Variants in PCDHGA6 observed in about 807,000 individuals in gnomAD.
PCDHGA6 encodes the protein protocadherin gamma subfamily A, 6, also known as protocadherin gamma-A6.
A neutral mutation model predicts 60.6 loss-of-function variants in PCDHGA6; 41 were observed. That is an observed-to-expected ratio of 0.68 (90% CI 0.53 to 0.88). The LOEUF (loss-of-function observed/expected upper bound fraction) is 0.88, where lower values mean the gene tolerates loss of function less well. PCDHGA6 is among the 40% of genes least tolerant of loss of function. The pLI, the probability that PCDHGA6 is intolerant of heterozygous loss-of-function variation, is 0.00. For missense variants in PCDHGA6, 1,312 were observed against 1,203.0 expected, an observed-to-expected ratio of 1.09 and a Z score of -1.34; for synonymous variants, 594 against 524.4, an observed-to-expected ratio of 1.13 and a Z score of -1.81.
Position 141,432,098 on chromosome 5 carries a change from G to C in PCDHGA6, c.2424+55591G>C, listed in dbSNP as rs771050429. The C allele has an allele frequency of 1.9e-6, 3 of 1,613,938 alleles. No homozygotes were observed. The highest frequency in any genetic ancestry group is 1.7e-5 in the Admixed American group (1 of 59,992). On this transcript the variant is annotated intron_variant, in intron 1 of 3. Transcript: ENST00000517434. The surrounding 1 kb of genome is among the most constrained non-coding windows in gnomAD (Gnocchi z 6.0). ...CTCGCTGAACGTGGCAGACACCAAC[G>C]ACAACCCGCCGGTCTTCCCTCAGGC...
chr5:141,386,400 A>G (rs1180278109), intron 1 of PCDHGA6, among the ~76,000 whole-genome samples: 1 of 152,176 alleles, frequency 6.6e-6, no homozygotes, highest in Non-Finnish European at 1.5e-5. Flanking sequence ...ACTTTTAGCC[A>G]GGTATGGTGT....
rs1561567898 is a variant in PCDHGA6, at chr5:141,375,451, C to G, written c.1368C>G (p.Ser456=). The part of the protein sequence containing the change: ...NDNPPTFPHS[S]YSVYVLENNP... The stretch of plus-strand genomic sequence containing the variant: ...ACCCGCCCACCTTCCCCCATTCATC[C>G]TACTCAGTCTATGTCCTTGAAAACA... The change falls in exon 1 of 4, where the codon TCC becomes TCG. Residue 456 remains serine, a synonymous_variant. Coordinates refer to ENST00000517434, the MANE Select transcript of PCDHGA6 (RefSeq NM_018919.3). 9 of 1,614,016 alleles carry G rather than the reference C, an allele frequency of 5.6e-6. No individual in the cohort carries two copies. Among genetic ancestry groups the G allele is most frequent in the Non-Finnish European group, 7.6e-6 (9 of 1,180,026 alleles).
rs2093981639 is a variant in PCDHGA6 at position 141,400,215 on chromosome 5, A to G, written c.2424+23708A>G. On this transcript the variant is annotated intron_variant, in intron 1 of 3. Transcript: ENST00000517434. ...TAGTGGTGGCCTTGGCCTTGATCTC[A>G]GTGCTCTTCCTCCTGGCCGTGATTC... 3 of 1,613,736 alleles carry G rather than the reference A, an allele frequency of 1.9e-6. No individual in the cohort carries two copies. The East Asian group carries it at 6.7e-5, about 36-fold the overall frequency.
chr5:141,405,089 G>T, intron 1 of PCDHGA6: 2 of 1,613,878 alleles, frequency 1.2e-6, no homozygotes, highest in South Asian at 2.2e-5. Context: ...CACGCTGCTG[G>T]CCCTCAGGCT....
chr5:141,382,910 A>G, intron 1 of PCDHGA6: 1 of 1,546,576 alleles, frequency 6.5e-7, no homozygotes. Flanking sequence ...ATGGCGGCTC[A>G]GCCGAGGGGC....
In PCDHGA6 at chr5:141,381,826, C is replaced by CTTCTTTTT. The variant is rs1777532522; in HGVS notation, c.2424+5321_2424+5322insCTTTTTTT. 1.5e-3 allele frequency among the ~76,000 whole-genome samples: 109 copies of CTTCTTTTT among 74,300 alleles called. 1 individual carries two copies. Among genetic ancestry groups the CTTCTTTTT allele is most frequent in the African/African-American group, 6.4e-3 (104 of 16,204 alleles). 48.7% of individuals were successfully genotyped at this position (74,300 alleles called of 152,430 possible). On this transcript the variant is annotated intron_variant, in intron 1 of 3. Transcript: ENST00000517434. ...TTTCTTTCTTTCTTTCTTTCTTCTT[C>CTTCTTTTT]TTTTTTTTTTTTTTTTTTTTTTGGC...
Position 141,390,867 on chromosome 5 carries a change from C to T in PCDHGA6, c.2424+14360C>T, listed in dbSNP as rs370388746. On this transcript the variant is annotated intron_variant, in intron 1 of 3. Transcript: ENST00000517434. Reference sequence around the variant, plus strand: ...TTATATGCAGTGTACGCTGTGTGTGCGTGTGTGTGTGTGTGTGTGTGAGAG... The same window carrying T: ...TTATATGCAGTGTACGCTGTGTGTGTGTGTGTGTGTGTGTGTGTGTGAGAG... The T allele has an allele frequency of 2.6e-4, 39 of 151,156 alleles. No homozygotes were observed. In the South Asian group the frequency reaches 4.4e-3, roughly 17 times the overall value. 9.4% of individuals were successfully genotyped at this position (151,156 alleles called of 1,614,324 possible).
At chr5:141,385,427 T>C (rs1052771598) in intron 1 of PCDHGA6, 27 of 1,460,068 alleles carry the variant, frequency 1.8e-5, no homozygotes, top group Non-Finnish European at 2.3e-5. Context: ...TAAAAAACTT[T>C]ATAGAGGTAA....
chr5:141,403,213 G>A (rs1314899957), intron 1 of PCDHGA6: 1 of 1,613,970 alleles, frequency 6.2e-7, no homozygotes, highest in Non-Finnish European at 8.5e-7. Flanking sequence ...TGGTCACCGC[G>A]GGTAGGATAG....
Position 141,431,999 on chromosome 5 carries a change from C to G in PCDHGA6, c.2424+55492C>G. The G allele has an allele frequency of 6.2e-7, 1 of 1,614,158 alleles. No homozygotes were observed. The highest frequency in any genetic ancestry group is 1.1e-5 in the South Asian group (1 of 91,086). On this transcript the variant is annotated intron_variant, in intron 1 of 3. Transcript: ENST00000517434. This position sits in a 1 kb window ranked among gnomAD's most constrained non-coding sequence, Gnocchi z 4.8. ...CACAGACATAGTCTTGGATAGGGAA[C>G]AGGTTCCTAGCTACAACATCACAGT... is the stretch of plus-strand genomic sequence containing the variant.
rs2099883798 is a variant in PCDHGA6, at chr5:141,511,451, AT to A, written c.*281del. On this transcript the variant is annotated 3_prime_UTR_variant, in exon 4 of 4. Transcript: ENST00000517434. ...GGGGTTACTGTAGACACCAAGAACC[AT>A]TTGCCACACCCCGTTTAGTTACAGC... The A allele has an allele frequency of 3.3e-6, 2 of 606,372 alleles. No individual in the cohort carries two copies. Among genetic ancestry groups the A allele is most frequent in the African/African-American group, 1.9e-5 (1 of 53,734 alleles). 37.6% of individuals were successfully genotyped at this position (606,372 alleles called of 1,614,324 possible).
intron 2 of PCDHGA6, among the ~76,000 whole-genome samples, chr5:141,503,077 T>C (rs902429288): frequency 6.6e-6 from 1 of 151,810 alleles, no homozygotes; most frequent in African/African-American, 2.4e-5. Flanking sequence ...ATGGTCTCGA[T>C]CTCCTGACCT....
chr5:141,408,889 A>G, intron 1 of PCDHGA6: 1 of 1,613,232 alleles, frequency 6.2e-7, no homozygotes, highest in Non-Finnish European at 8.5e-7. Flanking sequence ...CTCACATAGA[A>G]ATTTCTGTCA....
rs772000812 is a variant in PCDHGA6, at chr5:141,478,304, C to T, written c.2425-16503C>T. The T allele has an allele frequency of 8.1e-6, 13 of 1,614,108 alleles. No individual in the cohort carries two copies. In the Middle Eastern group the frequency reaches 1.2e-3, roughly 143 times the overall value. On this transcript the variant is annotated intron_variant, in intron 1 of 3. Coordinates refer to ENST00000517434, the MANE Select transcript of PCDHGA6 (RefSeq NM_018919.3). The stretch of plus-strand genomic sequence containing the variant: ...GCAGTCTAGAGACCTATACCGAGCC[C>T]CGGTGAGCTCACTGTACCGAACACC...
At chr5:141,412,385 AT>A (rs1277702119) in intron 1 of PCDHGA6, 2 of 152,236 alleles carry the variant, frequency 1.3e-5, no homozygotes, top group Admixed American at 1.3e-4. Flanking sequence ...AAATAGGTCC[AT>A]TTAACTTGTA....
chr5:141,473,274 TA>T (rs2099318463), intron 1 of PCDHGA6, among the ~76,000 whole-genome samples: 1 of 152,210 alleles, frequency 6.6e-6, no homozygotes, highest in South Asian at 2.1e-4. Context: ...ATGCTATGAT[TA>T]TTTTACTATG....
At position 141,508,909 on chromosome 5, in the gene PCDHGA6, G is replaced by A. The variant is rs545345992; in HGVS notation, c.2573-2038G>A. ...GAGGGGAGGGGGCGGGGCGGTGGCG[G>A]ATCTGGCTTCCTTTTGGAGTTAATT... is the stretch of plus-strand genomic sequence containing the variant. On this transcript the variant is annotated intron_variant, in intron 3 of 3. Coordinates refer to ENST00000517434, the MANE Select transcript of PCDHGA6 (RefSeq NM_018919.3). 2.0e-5 allele frequency among the ~76,000 whole-genome samples: 3 copies of A among 152,202 alleles called. No homozygotes were observed. The South Asian group carries it at 6.2e-4, about 32-fold the overall frequency.
rs749995138 is a variant in PCDHGA6 at position 141,408,745 on chromosome 5, G to A, written c.2424+32238G>A. The A allele has an allele frequency of 3.7e-6, 6 of 1,609,862 alleles. No homozygotes were observed. In the African/African-American group the frequency reaches 4.0e-5, roughly 11 times the overall value. ...ACTCTAATCCTTATTTTTCATTAAT[G>A]GTTAGAGTTAATTCCGATGGTGGCA... On this transcript the variant is annotated intron_variant, in intron 1 of 3. Transcript: ENST00000517434.
In PCDHGA6 at chr5:141,427,784, G is replaced by A. The variant is rs750188824; in HGVS notation, c.2424+51277G>A. 6.8e-6 allele frequency: 10 copies of A among 1,470,180 alleles called. No homozygotes were observed. The Admixed American group carries it at 1.3e-4, about 20-fold the overall frequency. 91.1% of individuals were successfully genotyped at this position (1,470,180 alleles called of 1,614,324 possible). Reference sequence around the variant, plus strand: ...CTGACTTGGAGCTGCGGGCACTGTCGTCCTACGTGTCCGTGAGCGCACAGA... The same window carrying A: ...CTGACTTGGAGCTGCGGGCACTGTCATCCTACGTGTCCGTGAGCGCACAGA... On this transcript the variant is annotated intron_variant, in intron 1 of 3. Coordinates refer to ENST00000517434, the MANE Select transcript of PCDHGA6 (RefSeq NM_018919.3).
Sources: gnomAD v4.1 joint callset for allele counts (sites outside exome capture counted in the v4.1 genomes callset) on GRCh38, gnomAD v4.1.1 for gene constraint, Gnocchi (gnomAD v3.1) non-coding constraint, MANE v1.5 for transcripts, NCBI Gene and HGNC (gene_info 2026-07-23, HGNC 2026-07-21) for gene names.